The following PDE4B variants were observed in gnomAD, a reference collection of about 807,000 sequenced individuals.
PDE4B encodes the protein 3',5'-cyclic-AMP phosphodiesterase 4B.
In PDE4B, 20 loss-of-function variants were observed where a neutral mutation model predicts 82.2. The ratio of observed to expected loss-of-function variants is 0.24; its 90% CI spans 0.17 to 0.35. The LOEUF is 0.35. Ranked by LOEUF, PDE4B falls within the 10% of genes least tolerant of loss-of-function variation. The pLI, the probability that PDE4B is intolerant of heterozygous loss-of-function variation, is 1.00. For synonymous variants in PDE4B, 320 were observed against 318.9 expected (o/e 1.00, Z -0.04); for missense variants, 655 against 907.2 (o/e 0.72, Z 3.57).
chr1:66,083,058 G>A (rs749094322), intron 3 of PDE4B, among the ~76,000 whole-genome samples: 13 of 151,950 alleles, frequency 8.6e-5, no homozygotes, highest in African/African-American at 2.7e-4. Context: ...GTCTTCTGCC[G>A]CCTCCCTCAT....
intron 1 of PDE4B, among the ~76,000 whole-genome samples, chr1:65,804,238 G>A (rs1414621908): frequency 6.6e-6 from 1 of 152,168 alleles, no homozygotes; most frequent in Non-Finnish European, 1.5e-5. Flanking sequence ...CTGGAAATAA[G>A]TACAAGGAAG....
chr1:66,354,642 A>G, intron 8 of PDE4B: 1 of 1,384,630 alleles, frequency 7.2e-7, no homozygotes, highest in Non-Finnish European at 9.3e-7. Context: ...CAGGGAGCAT[A>G]GGCTTCTTGC....
chr1:65,889,727 G>A (rs950489732), intron 1 of PDE4B, among the ~76,000 whole-genome samples: 1 of 152,000 alleles, frequency 6.6e-6, no homozygotes, highest in East Asian at 1.9e-4. Flanking sequence ...GCTTCATTGG[G>A]GAACCTTAGA....
At chr1:65,930,195 C>T (rs1260693707) in intron 3 of PDE4B, among the ~76,000 whole-genome samples, 1 of 152,194 alleles carries the variant, frequency 6.6e-6, no homozygotes, top group Non-Finnish European at 1.5e-5. Context: ...GTTTTTCTGC[C>T]TGCCTTATAT....
At chr1:66,297,003 CT>C (rs757140449) in intron 7 of PDE4B, among the ~76,000 whole-genome samples, 1 of 152,152 alleles carries the variant, frequency 6.6e-6, no homozygotes, top group Non-Finnish European at 1.5e-5. Context: ...CATTCCAAGG[CT>C]GTTTGATTCT....
At chr1:66,207,830 C>A (rs1264393466) in intron 3 of PDE4B, among the ~76,000 whole-genome samples, 2 of 152,152 alleles carry the variant, frequency 1.3e-5, no homozygotes, top group African/African-American at 4.8e-5. Flanking sequence ...TTTGTAATTA[C>A]AAAATACTCT....
chr1:66,045,285 T>A (rs1225864618), intron 3 of PDE4B, among the ~76,000 whole-genome samples: 1 of 151,750 alleles, frequency 6.6e-6, no homozygotes, highest in Non-Finnish European at 1.5e-5. Context: ...GGGTACTCCC[T>A]TCATTTTAGA....
intron 8 of PDE4B, among the ~76,000 whole-genome samples, chr1:66,341,095 A>G (rs949793301): frequency 7.2e-5 from 11 of 152,342 alleles, no homozygotes; most frequent in African/African-American, 2.2e-4. Context: ...TTCTATTTCT[A>G]TTTGAAGTCA....
intron 1 of PDE4B, among the ~76,000 whole-genome samples, chr1:65,842,393 G>T (rs1011480514): frequency 2.7e-4 from 41 of 151,998 alleles, no homozygotes; most frequent in Non-Finnish European, 2.9e-5. Context: ...TGTGATCCCT[G>T]GCTCTTAGTA....
At chr1:66,126,990 A>G (rs1349532100) in intron 3 of PDE4B, among the ~76,000 whole-genome samples, 1 of 152,164 alleles carries the variant, frequency 6.6e-6, no homozygotes, top group Non-Finnish European at 1.5e-5. Flanking sequence ...ATCACGAAAG[A>G]CAAAGAAAGA....
chr1:65,989,229 G>A (rs543497595), intron 3 of PDE4B, among the ~76,000 whole-genome samples: 6 of 152,166 alleles, frequency 3.9e-5, no homozygotes, highest in South Asian at 2.1e-4. Context: ...GGCTGGGCAC[G>A]GTGGCTTGCA....
chr1:66,236,445 T>C (rs1353979286), intron 3 of PDE4B, among the ~76,000 whole-genome samples: 1 of 152,202 alleles, frequency 6.6e-6, no homozygotes, highest in African/African-American at 2.4e-5. Context: ...AAAATGTTTA[T>C]TCCTTTGTAT....
At chr1:65,814,647 C>A (rs1293767947) in intron 1 of PDE4B, among the ~76,000 whole-genome samples, 2 of 152,160 alleles carry the variant, frequency 1.3e-5, no homozygotes, top group African/African-American at 2.4e-5. Flanking sequence ...GATCTGCTTT[C>A]TTTCACTGTG....
At chr1:65,857,193 T>C (rs12131591) in intron 1 of PDE4B, among the ~76,000 whole-genome samples, 20,450 of 152,192 alleles carry the variant, frequency 0.13, 1,456 homozygotes, top group South Asian at 0.17. Context: ...TATATAGTAA[T>C]GTTCTGTTCT....
In PDE4B at chr1:66,075,483, A is replaced by T. The variant is rs560696082; in HGVS notation, c.281+156648A>T. ...TTACATGCAGTTTGTGGAATTAGAAAAGGTTCTCAGGGCCTTTATTCCCTC... is the reference window on the plus strand; with the variant it reads ...TTACATGCAGTTTGTGGAATTAGAATAGGTTCTCAGGGCCTTTATTCCCTC... On this transcript the variant is annotated intron_variant, in intron 3 of 16. Coordinates refer to ENST00000341517, the MANE Select transcript of PDE4B (RefSeq NM_002600.4). Among the ~76,000 whole-genome samples, 4 of 152,208 alleles carry T rather than the reference A, an allele frequency of 2.6e-5. No individual in the cohort carries two copies. The South Asian group carries it at 8.3e-4, about 32-fold the overall frequency.
intron 3 of PDE4B, among the ~76,000 whole-genome samples, chr1:65,949,169 C>T (rs1648866519): frequency 6.6e-6 from 1 of 152,074 alleles, no homozygotes; most frequent in Non-Finnish European, 1.5e-5. Context: ...AGGGAACCCA[C>T]TACCATAACA....
At chr1:65,861,403 C>A (rs1257347392) in intron 1 of PDE4B, among the ~76,000 whole-genome samples, 1 of 152,134 alleles carries the variant, frequency 6.6e-6, no homozygotes, top group Non-Finnish European at 1.5e-5. Flanking sequence ...TTCCACTGGT[C>A]TTTATATCTG....
chr1:66,288,316 A>C (rs1656829993), intron 7 of PDE4B, among the ~76,000 whole-genome samples: 1 of 152,078 alleles, frequency 6.6e-6, no homozygotes, highest in Non-Finnish European at 1.5e-5. Context: ...ATTGATGAGA[A>C]AACCAACCAC....
chr1:66,185,744 C>T (rs1647181262), intron 3 of PDE4B, among the ~76,000 whole-genome samples: 1 of 151,920 alleles, frequency 6.6e-6, no homozygotes, highest in Admixed American at 6.6e-5. Context: ...AGCCCTTTGT[C>T]AGATGAGTAG....
Sources: gnomAD v4.1 joint callset for allele counts (sites outside exome capture counted in the v4.1 genomes callset) on GRCh38, gnomAD v4.1.1 for gene constraint, MANE v1.5 for transcripts, NCBI Gene and HGNC (gene_info 2026-07-23, HGNC 2026-07-21) for gene names.